Variants in FANCC observed in about 807,000 individuals in gnomAD.
The protein encoded by FANCC is FA complementation group C, also known as Fanconi anemia group C protein.
FANCC carries 55 observed loss-of-function variants against 71.3 expected under a neutral mutation model. That is an observed-to-expected ratio of 0.77 (90% CI 0.62 to 0.97). The LOEUF is 0.97. FANCC is among the 50% of genes least tolerant of loss of function. FANCC has a pLI of 0.00. For synonymous variants in FANCC, 275 were observed against 244.9 expected (o/e 1.12, Z -1.15); for missense variants, 678 against 670.9 (o/e 1.01, Z -0.12).
intron 1 of FANCC, among the ~76,000 whole-genome samples, chr9:95,273,349 C>T (rs1475323194): frequency 6.6e-6 from 1 of 152,204 alleles, no homozygotes; most frequent in Admixed American, 6.5e-5. Flanking sequence ...CTCTATTGCA[C>T]TAGATTCTGC....
chr9:95,135,221 C>G, intron 8 of FANCC, 125 bp downstream of exon 8: 1 of 941,444 alleles, frequency 1.1e-6, no homozygotes, highest in South Asian at 1.4e-5. Flanking sequence ...TGTAAATACA[C>G]GATTATATAT....
chr9:95,261,592 A>G (rs907890758), intron 1 of FANCC, among the ~76,000 whole-genome samples: 1 of 152,234 alleles, frequency 6.6e-6, no homozygotes, highest in Non-Finnish European at 1.5e-5. Context: ...TGCATAATGT[A>G]TCTTTTAGTG....
intron 4 of FANCC, among the ~76,000 whole-genome samples, chr9:95,177,781 C>T (rs2135638954): frequency 6.6e-6 from 1 of 152,256 alleles, no homozygotes; most frequent in East Asian, 1.9e-4. Context: ...AATGCAAACC[C>T]CGCTCTCTGG....
In FANCC at chr9:95,126,254, T is replaced by C. The variant is rs561429463; in HGVS notation, c.896+275A>G. 1.1e-4 allele frequency among the ~76,000 whole-genome samples: 17 copies of C among 152,356 alleles called. 1 individual carries two copies. The highest frequency in any genetic ancestry group is 9.8e-4 in the Admixed American group (15 of 15,310). On this transcript the variant is annotated intron_variant, in intron 9 of 14. Coordinates refer to ENST00000289081, the MANE Select transcript of FANCC (RefSeq NM_000136.3). ...AAAATCCTACATGAATATTTCATGA[T>C]ATTAATGCCTAACTCAATTCTGTGT...
chr9:95,155,702 C>G (rs1830431265), intron 6 of FANCC, among the ~76,000 whole-genome samples: 1 of 151,970 alleles, frequency 6.6e-6, no homozygotes, highest in African/African-American at 2.4e-5. Context: ...ATGGTATCAG[C>G]TGAAACAATC....
intron 11 of FANCC, among the ~76,000 whole-genome samples, chr9:95,116,821 A>T (rs1309732832): frequency 6.6e-6 from 1 of 152,244 alleles, no homozygotes; most frequent in Non-Finnish European, 1.5e-5. Context: ...CTGTGGATGA[A>T]GCACCTTACT....
chr9:95,298,690 G>T (rs1234601650), intron 1 of FANCC, among the ~76,000 whole-genome samples: 1 of 152,200 alleles, frequency 6.6e-6, no homozygotes, highest in Non-Finnish European at 1.5e-5. Context: ...CACCCATTCT[G>T]TTCTTAGCTG....
chr9:95,252,274 C>CAAAAAAAAAAAAAAAAAA (rs71366284), intron 1 of FANCC, among the ~76,000 whole-genome samples: 3 of 50,136 alleles, frequency 6.0e-5, no homozygotes, highest in African/African-American at 7.9e-5. Flanking sequence ...GAGACTGATT[C>CAAAAAAAAAAAAAAAAAA]AAAAAAAAAA....
At chr9:95,112,659 A>T (rs1186243571) in intron 12 of FANCC, among the ~76,000 whole-genome samples, 1 of 152,198 alleles carries the variant, frequency 6.6e-6, no homozygotes, top group Non-Finnish European at 1.5e-5. Flanking sequence ...AGACAGATGC[A>T]CAGAGCAGTG....
chr9:95,111,721 A>G (rs554320545), intron 12 of FANCC, 84 bp from the exon 13 acceptor site: 7 of 1,531,270 alleles, frequency 4.6e-6, no homozygotes, highest in East Asian at 2.3e-5. Flanking sequence ...ACGTTTGCCA[A>G]CGGTTGGCTT....
intron 6 of FANCC, among the ~76,000 whole-genome samples, chr9:95,151,934 AAAAAAAC>A (rs1237426198): frequency 2.7e-4 from 41 of 152,076 alleles, no homozygotes; most frequent in Non-Finnish European, 4.1e-4. Flanking sequence ...TCTCAAAAAA[AAAAAAAC>A]AAAAAACAAA....
chr9:95,308,386 C>G (rs1018698685), intron 1 of FANCC, among the ~76,000 whole-genome samples: 2 of 152,006 alleles, frequency 1.3e-5, no homozygotes, highest in South Asian at 4.2e-4. Context: ...CGAGTTCAAG[C>G]GATTCTTGTA....
intron 8 of FANCC, chr9:95,127,396 C>T (rs2134990547): frequency 6.6e-6 from 1 of 152,372 alleles, no homozygotes; most frequent in East Asian, 1.9e-4. Flanking sequence ...TCTTGGAAGG[C>T]AATGTTTCCA....
chr9:95,224,949 C>CA (rs1829521760), intron 4 of FANCC, among the ~76,000 whole-genome samples: 1 of 152,146 alleles, frequency 6.6e-6, no homozygotes, highest in African/African-American at 2.4e-5. Context: ...ACCTGGAAAT[C>CA]ATGATTTATG....
intron 4 of FANCC, among the ~76,000 whole-genome samples, chr9:95,202,456 G>C (rs577770333): frequency 6.6e-6 from 1 of 152,262 alleles, no homozygotes; most frequent in African/African-American, 2.4e-5. Flanking sequence ...ACAGGGGCAG[G>C]GCTGCCTCTA....
intron 6 of FANCC, among the ~76,000 whole-genome samples, chr9:95,153,614 G>T (rs1830302869): frequency 6.6e-6 from 1 of 152,100 alleles, no homozygotes; most frequent in African/African-American, 2.4e-5. Context: ...TTGGCCATTT[G>T]TACATCTTCT....
At chr9:95,292,458 G>A (rs1834095830) in intron 1 of FANCC, 3 of 1,261,298 alleles carry the variant, frequency 2.4e-6, no homozygotes, top group Non-Finnish European at 3.0e-6. Context: ...GGTGCCCCCG[G>A]GACCCCGACT....
chr9:95,218,816 T>C (rs550368059), intron 4 of FANCC, among the ~76,000 whole-genome samples: 1 of 152,306 alleles, frequency 6.6e-6, no homozygotes, highest in South Asian at 2.1e-4. Flanking sequence ...CGTTCATCCA[T>C]GGAAACATCA....
At chr9:95,133,473 T>C (rs1266202499) in intron 8 of FANCC, among the ~76,000 whole-genome samples, 3 of 152,252 alleles carry the variant, frequency 2.0e-5, no homozygotes, top group South Asian at 2.1e-4. Flanking sequence ...TCGTGGGAGA[T>C]TACTGTAAAC....
Sources: gnomAD v4.1 joint callset for allele counts (sites outside exome capture counted in the v4.1 genomes callset) on GRCh38, gnomAD v4.1.1 for gene constraint, MANE v1.5 for transcripts, NCBI Gene and HGNC (gene_info 2026-07-23, HGNC 2026-07-21) for gene names.